Variants in AJAP1 observed in about 807,000 individuals in gnomAD.
AJAP1 encodes adherens junction-associated protein 1.
A neutral mutation model predicts 35.0 loss-of-function variants in AJAP1; 5 were observed. The ratio of observed to expected loss-of-function variants is 0.14; its 90% CI spans 0.07 to 0.30. The LOEUF (loss-of-function observed/expected upper bound fraction) is 0.30. AJAP1 is among the 10% of genes least tolerant of loss of function. The pLI is 1.00. For missense variants in AJAP1, 586 were observed against 571.0 expected, an observed-to-expected ratio of 1.03 and a Z score of -0.27; for synonymous variants, 284 against 249.3, an observed-to-expected ratio of 1.14 and a Z score of -1.31.
rs1640575823 is a variant in AJAP1, at chr1:4,723,596, A to G, written c.829+10897A>G. Among the ~76,000 whole-genome samples the G allele has an allele frequency of 6.6e-6, 1 of 152,002 alleles. No individual in the cohort carries two copies. The highest frequency in any genetic ancestry group is 2.4e-5 in the African/African-American group (1 of 41,392). On this transcript the variant is annotated intron_variant, in intron 2 of 5. Transcript: ENST00000378191. The surrounding 1 kb of genome is among the most constrained non-coding windows in gnomAD (Gnocchi z 4.3). ...GAAAGAGGCCACTTTTGTGAGGTGG[A>G]GGCTGCTGGAGACGTGGTGAGGGGA...
chr1:4,713,088 C>A (rs1286267973), intron 2 of AJAP1, among the ~76,000 whole-genome samples: 1 of 152,110 alleles, frequency 6.6e-6, no homozygotes. Context: ...GATGCTTGCC[C>A]GTCTCGTGAT....
Position 4,712,046 on chromosome 1 carries a change from G to A in AJAP1, c.176G>A (p.Arg59Gln). ...EFWLLPRSPPRPPRLWSFRSG... is the reference protein window; with the variant it reads ...EFWLLPRSPPQPPRLWSFRSG... ...TGGCTCCTGCCGCGGTCGCCGCCCC[G>A]GCCGCCCCGGCTGTGGAGTTTTAGG... The change falls in exon 2 of 6, where the codon CGG (arginine) becomes CAG (glutamine). Residue 59 changes from arginine (R) to glutamine (Q), a missense_variant. Coordinates refer to ENST00000378191, the MANE Select transcript of AJAP1 (RefSeq NM_018836.4). 3.1e-6 allele frequency: 5 copies of A among 1,587,794 alleles called. No individual in the cohort carries two copies. In the Admixed American group the frequency reaches 7.1e-5, roughly 23 times the overall value.
rs968183421 is a variant in AJAP1 at position 4,693,630 on chromosome 1, G to A, written c.30-18270G>A. On this transcript the variant is annotated intron_variant, in intron 1 of 5. Transcript: ENST00000378191. This position sits in a 1 kb window ranked among gnomAD's most constrained non-coding sequence, Gnocchi z 4.4. The stretch of plus-strand genomic sequence containing the variant: ...GTGCCTGTCTTAGCCTGTTTTATGC[G>A]GCTCTAACAATATATGTGAGACTGG... Among the ~76,000 whole-genome samples the A allele has an allele frequency of 1.3e-5, 2 of 152,096 alleles. No homozygotes were observed. Among genetic ancestry groups the A allele is most frequent in the Non-Finnish European group, 2.9e-5 (2 of 68,016 alleles).
intron 2 of AJAP1, among the ~76,000 whole-genome samples, chr1:4,713,776 A>G (rs1640323909): frequency 6.6e-6 from 1 of 152,282 alleles, no homozygotes; most frequent in Non-Finnish European, 1.5e-5. Context: ...TGCAGATTTT[A>G]GGGCGTCAGT....
rs1217832021 is a variant in AJAP1, at chr1:4,656,858, T to C, written c.29+1404T>C. 6.6e-6 allele frequency among the ~76,000 whole-genome samples: 1 copy of C among 152,176 alleles called. No individual in the cohort carries two copies. The highest frequency in any genetic ancestry group is 1.5e-5 in the Non-Finnish European group (1 of 68,028). On this transcript the variant is annotated intron_variant, in intron 1 of 5. Coordinates refer to ENST00000378191, the MANE Select transcript of AJAP1 (RefSeq NM_018836.4). This position sits in a 1 kb window ranked among gnomAD's most constrained non-coding sequence, Gnocchi z 5.7. ...TGCTTGGGCTAGATAAGGTTTAGGC[T>C]TGGACCGTTGTGGGATGTTGGCAAA...
chr1:4,701,661 C>A (rs1639992045), intron 1 of AJAP1, among the ~76,000 whole-genome samples: 1 of 152,188 alleles, frequency 6.6e-6, no homozygotes, highest in Non-Finnish European at 1.5e-5. Flanking sequence ...ATAGTGACAA[C>A]CAAATATGTC....
intron 1 of AJAP1, among the ~76,000 whole-genome samples, chr1:4,666,795 C>T (rs1223466724): frequency 2.8e-5 from 4 of 140,938 alleles, no homozygotes; most frequent in East Asian, 2.2e-4. Flanking sequence ...CCGTGAATCA[C>T]GGAAGGGTTG....
Position 4,712,417 on chromosome 1 carries a change from T to C in AJAP1, c.547T>C (p.Trp183Arg). 1 of 1,597,232 alleles carries C rather than the reference T, an allele frequency of 6.3e-7. No individual in the cohort carries two copies. The highest frequency in any genetic ancestry group is 1.1e-5 in the South Asian group (1 of 88,076). Residue 183 changes from tryptophan (W) to arginine (R), a missense_variant, in exon 2 of 6, where the codon TGG becomes CGG. By Grantham distance (101) the Trp-to-Arg change is moderately radical (BLOSUM62 -3). Transcript: ENST00000378191. ...RPTTETEFIA[W>R]GPTGDEEALE... ...CACCACAGAGACTGAGTTCATCGCC[T>C]GGGGGCCCACGGGGGACGAGGAGGC...
intron 1 of AJAP1, among the ~76,000 whole-genome samples, chr1:4,707,985 T>G (rs1557618331): frequency 6.7e-6 from 1 of 150,304 alleles, no homozygotes; most frequent in Non-Finnish European, 1.5e-5. Flanking sequence ...TTTTTTTTTT[T>G]TGAGACGCAG....
At chr1:4,658,162 C>T (rs914782251) in intron 1 of AJAP1, among the ~76,000 whole-genome samples, 3 of 152,164 alleles carry the variant, frequency 2.0e-5, no homozygotes, top group South Asian at 2.1e-4. Flanking sequence ...CGAGCGTCCA[C>T]CTAATACGTT....
At chr1:4,779,108 T>C (rs392984) in intron 5 of AJAP1, among the ~76,000 whole-genome samples, 119,865 of 152,108 alleles carry the variant, frequency 0.79, 47,582 homozygotes, top group Middle Eastern at 0.82. Context: ...AAATAGGGGA[T>C]GTGTGTAGGA....
chr1:4,723,581 A>G lies in AJAP1; in HGVS notation c.829+10882A>G, dbSNP rs1241448555. On this transcript the variant is annotated intron_variant, in intron 2 of 5. Coordinates refer to ENST00000378191, the MANE Select transcript of AJAP1 (RefSeq NM_018836.4). The surrounding 1 kb of genome is among the most constrained non-coding windows in gnomAD (Gnocchi z 4.3). Reference sequence around the variant, plus strand: ...AGCTCCCAGAGACATGAAAGAGGCCACTTTTGTGAGGTGGAGGCTGCTGGA... The same window carrying G: ...AGCTCCCAGAGACATGAAAGAGGCCGCTTTTGTGAGGTGGAGGCTGCTGGA... 6.6e-6 allele frequency among the ~76,000 whole-genome samples: 1 copy of G among 152,048 alleles called. No individual in the cohort carries two copies. The highest frequency in any genetic ancestry group is 1.5e-5 in the Non-Finnish European group (1 of 68,012).
At chr1:4,726,846 G>GGCTGCCTTCGTGTC (rs1553158512) in intron 2 of AJAP1, among the ~76,000 whole-genome samples, 6 of 152,168 alleles carry the variant, frequency 3.9e-5, no homozygotes, top group Non-Finnish European at 5.9e-5. Context: ...TGGGGGATGG[G>GGCTGCCTTCGTGTC]GCTGCCTTCG....
At chr1:4,727,749 A>G (rs1296847389) in intron 2 of AJAP1, among the ~76,000 whole-genome samples, 1 of 152,168 alleles carries the variant, frequency 6.6e-6, no homozygotes, top group African/African-American at 2.4e-5. Context: ...CATGTTTAGT[A>G]ATTTAAGTCT....
intron 2 of AJAP1, among the ~76,000 whole-genome samples, chr1:4,761,638 G>A (rs1036507487): frequency 2.0e-5 from 3 of 152,174 alleles, no homozygotes; most frequent in Non-Finnish European, 2.9e-5. Context: ...TTATTAAGGG[G>A]AATTGACTCG....
At chr1:4,705,846 G>T (rs1400519930) in intron 1 of AJAP1, among the ~76,000 whole-genome samples, 1 of 152,050 alleles carries the variant, frequency 6.6e-6, no homozygotes, top group Non-Finnish European at 1.5e-5. Flanking sequence ...ATTCTGGATG[G>T]GTTCCTGGGA....
At chr1:4,662,126 G>A (rs12080289) in intron 1 of AJAP1, among the ~76,000 whole-genome samples, 4,883 of 152,174 alleles carry the variant, frequency 0.032, 237 homozygotes, top group African/African-American at 0.11. Context: ...TGTATCCATT[G>A]AAAGTATATG....
chr1:4,665,425 C>T (rs1319845543), intron 1 of AJAP1, among the ~76,000 whole-genome samples: 1 of 152,144 alleles, frequency 6.6e-6, no homozygotes, highest in African/African-American at 2.4e-5. Context: ...TGGAGGGTCT[C>T]TTTGAACACT....
chr1:4,770,245 C>T (rs2100359395), intron 3 of AJAP1, among the ~76,000 whole-genome samples: 1 of 152,264 alleles, frequency 6.6e-6, no homozygotes, highest in South Asian at 2.1e-4. Context: ...CCACCCAGAG[C>T]ACAGTCCCTA....
Sources: gnomAD v4.1 joint callset for allele counts (sites outside exome capture counted in the v4.1 genomes callset) on GRCh38, gnomAD v4.1.1 for gene constraint, Gnocchi (gnomAD v3.1) non-coding constraint, MANE v1.5 for transcripts, NCBI Gene and HGNC (gene_info 2026-07-23, HGNC 2026-07-21) for gene names.